The following GNA14 variants were observed in gnomAD, a reference collection of about 807,000 sequenced individuals.
GNA14 encodes guanine nucleotide-binding protein subunit alpha-14.
Under a neutral mutation model 42.0 loss-of-function variants are expected in GNA14, and 50 were observed. That is an observed-to-expected ratio of 1.19 (90% CI 0.95 to 1.51). The LOEUF (loss-of-function observed/expected upper bound fraction) is 1.51. GNA14 is among the 40% of genes most tolerant of loss of function. GNA14 has a pLI of 0.00. For synonymous variants in GNA14, 173 were observed against 163.1 expected (o/e 1.06, Z -0.46); for missense variants, 473 against 446.2 (o/e 1.06, Z -0.54).
At chr9:77,554,027 C>T (rs1322121924) in intron 1 of GNA14, among the ~76,000 whole-genome samples, 1 of 152,124 alleles carries the variant, frequency 6.6e-6, no homozygotes, top group African/African-American at 2.4e-5. Context: ...ATAAAACCTA[C>T]TAGGCCAGGA....
In GNA14 at chr9:77,445,953, A is replaced by G. The variant is rs190281323; in HGVS notation, c.310-11431T>C. Among the ~76,000 whole-genome samples, 106 of 152,300 alleles carry G rather than the reference A, an allele frequency of 7.0e-4. 1 individual carries two copies. In the South Asian group the frequency reaches 9.1e-3, roughly 13 times the overall value. ...CTGACAGTCCAACTTAGCAAGAGGAATATCTCTTTTGTCTGTGCCTATCTT... is the reference window on the plus strand; with the variant it reads ...CTGACAGTCCAACTTAGCAAGAGGAGTATCTCTTTTGTCTGTGCCTATCTT... On this transcript the variant is annotated intron_variant, in intron 2 of 6. Transcript: ENST00000341700.
chr9:77,598,329 T>C (rs568823732), intron 1 of GNA14, among the ~76,000 whole-genome samples: 35 of 152,292 alleles, frequency 2.3e-4, no homozygotes, highest in Admixed American at 1.1e-3. Context: ...AATGAACAAA[T>C]AGAAATCCAA....
At chr9:77,572,170 G>A (rs1030003140) in intron 1 of GNA14, among the ~76,000 whole-genome samples, 1 of 152,180 alleles carries the variant, frequency 6.6e-6, no homozygotes, top group African/African-American at 2.4e-5. Context: ...ATTGACAGTG[G>A]ATGATTTTTT....
At chr9:77,587,744 C>T (rs1182606324) in intron 1 of GNA14, among the ~76,000 whole-genome samples, 2 of 152,096 alleles carry the variant, frequency 1.3e-5, no homozygotes, top group African/African-American at 2.4e-5. Flanking sequence ...TACTAAATGC[C>T]GCTGAATTGT....
intron 1 of GNA14, among the ~76,000 whole-genome samples, chr9:77,580,956 C>A (rs79447031): frequency 6.6e-6 from 1 of 151,740 alleles, no homozygotes; most frequent in Non-Finnish European, 1.5e-5. Context: ...TGCCTCACTG[C>A]CCATTGATTT....
chr9:77,442,893 A>T (rs1443870), intron 2 of GNA14, among the ~76,000 whole-genome samples: 63,185 of 152,094 alleles, frequency 0.42, 13,166 homozygotes, highest in African/African-American at 0.45. Flanking sequence ...ACACTAACCC[A>T]GAGGAAACTG....
chr9:77,474,587 G>T (rs1023104566), intron 2 of GNA14, among the ~76,000 whole-genome samples: 15 of 152,152 alleles, frequency 9.9e-5, no homozygotes, highest in African/African-American at 3.6e-4. Context: ...AAAATAGTTT[G>T]ACATTTCCTC....
At chr9:77,547,743 C>A (rs1016950886) in intron 1 of GNA14, among the ~76,000 whole-genome samples, 3 of 152,054 alleles carry the variant, frequency 2.0e-5, no homozygotes, top group African/African-American at 7.2e-5. Flanking sequence ...ACCCTTTGAC[C>A]CTCAGCTTCC....
chr9:77,526,760 C>T (rs1207822933), intron 2 of GNA14: 2 of 152,120 alleles, frequency 1.3e-5, no homozygotes, highest in Non-Finnish European at 2.9e-5. Context: ...CTGTCTTAGG[C>T]CATCCAATCT....
rs868326275 is a variant in GNA14 at position 77,525,909 on chromosome 9, T to A, written c.309+3160A>T. 1.4e-3 allele frequency among the ~76,000 whole-genome samples: 194 copies of A among 141,504 alleles called. 1 individual carries two copies. The highest frequency in any genetic ancestry group is 0.01 in the South Asian group (46 of 4,430). The allele number at this position is 141,504 out of a possible 152,430, so 92.8% of individuals were successfully genotyped here. A position where few individuals can be genotyped will look rare whatever the true frequency, so the allele number is the denominator to read the frequency against. On this transcript the variant is annotated intron_variant, in intron 2 of 6. Transcript: ENST00000341700. ...AGACAATGAGATTTGGGACTTTTTT[T>A]AAAAAAAAAAAAAAACGGAGTTTCA...
intron 1 of GNA14, among the ~76,000 whole-genome samples, chr9:77,643,832 GA>G (rs1192120968): frequency 6.6e-6 from 1 of 152,120 alleles, no homozygotes; most frequent in East Asian, 1.9e-4. Context: ...AACTAAAATG[GA>G]AAATGACACC....
chr9:77,525,909 T>TTTA (rs1491441006), intron 2 of GNA14, among the ~76,000 whole-genome samples: 7,126 of 141,438 alleles, frequency 0.05, 203 homozygotes, highest in South Asian at 0.073. Flanking sequence ...GGACTTTTTT[T>TTTA]AAAAAAAAAA....
intron 1 of GNA14, among the ~76,000 whole-genome samples, chr9:77,627,699 A>T (rs1193062983): frequency 6.6e-6 from 1 of 152,204 alleles, no homozygotes; most frequent in Non-Finnish European, 1.5e-5. Flanking sequence ...ACACCCATTC[A>T]TGCTAAAAAC....
chr9:77,460,552 C>T (rs539616872), intron 2 of GNA14, among the ~76,000 whole-genome samples: 6 of 152,272 alleles, frequency 3.9e-5, no homozygotes, highest in African/African-American at 9.6e-5. Context: ...TCTGGACAGA[C>T]GGGGACCAAT....
intron 2 of GNA14, among the ~76,000 whole-genome samples, chr9:77,479,092 T>C (rs1420861005): frequency 2.0e-5 from 3 of 152,202 alleles, no homozygotes; most frequent in Non-Finnish European, 4.4e-5. Context: ...CATGAAGTCC[T>C]TGCCCATGCC....
At chr9:77,574,182 C>T (rs1471050944) in intron 1 of GNA14, among the ~76,000 whole-genome samples, 2 of 152,132 alleles carry the variant, frequency 1.3e-5, no homozygotes, top group Non-Finnish European at 2.9e-5. Flanking sequence ...CTACAGGAAA[C>T]ACAGTGAGGC....
At chr9:77,430,712 T>C (rs1250016925) in intron 4 of GNA14, among the ~76,000 whole-genome samples, 1 of 152,222 alleles carries the variant, frequency 6.6e-6, no homozygotes, top group Non-Finnish European at 1.5e-5. Context: ...ATAAAAGTGC[T>C]TTGAAATGTG....
intron 2 of GNA14, among the ~76,000 whole-genome samples, chr9:77,472,343 G>T (rs930831088): frequency 6.6e-6 from 1 of 152,038 alleles, no homozygotes; most frequent in African/African-American, 2.4e-5. Flanking sequence ...ATCTTTCATG[G>T]CATGGACTCA....
At chr9:77,462,737 G>GA (rs1232116437) in intron 2 of GNA14, among the ~76,000 whole-genome samples, 1 of 114,024 alleles carries the variant, frequency 8.8e-6, no homozygotes, top group African/African-American at 3.3e-5. Flanking sequence ...GGGGGTGGGG[G>GA]GGTGGGAAAA....
Sources: gnomAD v4.1 joint callset for allele counts (sites outside exome capture counted in the v4.1 genomes callset) on GRCh38, gnomAD v4.1.1 for gene constraint, MANE v1.5 for transcripts, NCBI Gene and HGNC (gene_info 2026-07-23, HGNC 2026-07-21) for gene names.